The following NFE2L1 variants were observed in gnomAD, a reference collection of about 807,000 sequenced individuals.
The protein encoded by NFE2L1 is endoplasmic reticulum membrane sensor NFE2L1.
NFE2L1 carries 18 observed loss-of-function variants against 61.6 expected under a neutral mutation model. The ratio of observed to expected loss-of-function variants is 0.29; its 90% CI spans 0.20 to 0.43. The LOEUF is 0.43. Ranked by LOEUF, NFE2L1 falls within the 20% of genes least tolerant of loss-of-function variation. The pLI, the probability that NFE2L1 is intolerant of heterozygous loss-of-function variation, is 1.00. For missense variants in NFE2L1, 827 were observed against 973.5 expected, an observed-to-expected ratio of 0.85 and a Z score of 2.00; for synonymous variants, 419 against 402.7, an observed-to-expected ratio of 1.04 and a Z score of -0.48.
intron 5 of NFE2L1, 78 bp downstream of exon 5, chr17:48,057,580 C>T: frequency 6.6e-7 from 1 of 1,509,862 alleles, no homozygotes; most frequent in Non-Finnish European, 8.9e-7. Flanking sequence ...TTTCCATCTC[C>T]AAGGAGAGAA....
At chr17:48,054,690 G>C in intron 2 of NFE2L1, 1 of 1,292,500 alleles carries the variant, frequency 7.7e-7, no homozygotes, top group Non-Finnish European at 9.8e-7. Context: ...AGGCCCAGGA[G>C]GGAGCTTGCT....
chr17:48,050,584 T>G (rs1169869549), intron 1 of NFE2L1, 23 bp from the exon 2 acceptor site: 1 of 409,566 alleles, frequency 2.4e-6, no homozygotes, highest in African/African-American at 2.1e-5. Context: ...CTTATCCTGT[T>G]GCTTTTGTGA....
At chr17:48,056,985 G>T (rs1029698697) in intron 3 of NFE2L1, 47 bp from the exon 4 acceptor site, 4 of 1,593,048 alleles carry the variant, frequency 2.5e-6, no homozygotes, top group Non-Finnish European at 3.4e-6. Flanking sequence ...TCAGCCCCAG[G>T]CAGCCAAGGC....
Position 48,059,768 on chromosome 17 carries a change from G to C in NFE2L1, c.*127G>C. The C allele has an allele frequency of 7.4e-7, 1 of 1,354,242 alleles. No individual in the cohort carries two copies. Among genetic ancestry groups the C allele is most frequent in the African/African-American group, 1.5e-5 (1 of 68,248 alleles). 83.9% of individuals were successfully genotyped at this position (1,354,242 alleles called of 1,614,324 possible). A position where few individuals can be genotyped will look rare whatever the true frequency, so the allele number is the denominator to read the frequency against. ...TTATCCAATATATCTTCTCAGATGG[G>C]ATGACTGCGGGTCAGTGTACAGGAA... On this transcript the variant is annotated 3_prime_UTR_variant, in exon 6 of 6. Coordinates refer to ENST00000362042, the MANE Select transcript of NFE2L1 (RefSeq NM_003204.3). This position sits in a 1 kb window ranked among gnomAD's most constrained non-coding sequence, Gnocchi z 6.1.
chr17:48,057,260 GA>G (rs1374250565), intron 4 of NFE2L1, 83 bp from the exon 5 acceptor site: 1 of 1,592,128 alleles, frequency 6.3e-7, no homozygotes, highest in East Asian at 2.2e-5. Context: ...AGGAAGAACA[GA>G]AACAGGTCCA....
chr17:48,059,383 G>T lies in NFE2L1; in HGVS notation c.2061G>T (p.Glu687Asp). Residue 687 changes from glutamate (E) to aspartate (D), a missense_variant, in exon 6 of 6, where the codon GAG becomes GAT. Glu to Asp is a conservative substitution (Grantham distance 45, BLOSUM62 2). Around this residue, in one of 3 missense-constraint regions of NFE2L1, gnomAD observed 74 missense variants for 127.8 expected, o/e 0.58. Coordinates refer to ENST00000362042, the MANE Select transcript of NFE2L1 (RefSeq NM_003204.3). The surrounding 1 kb of genome is among the most constrained non-coding windows in gnomAD (Gnocchi z 6.1). ...TCCTGAATCTGGAGCGTGATGTGGA[G>T]GACCTGCAGCGTGACAAAGCCCGGC... ...DTILNLERDV[E>D]DLQRDKARLL... is the part of the protein sequence containing the mutation. The T allele has an allele frequency of 6.2e-7, 1 of 1,614,240 alleles. No homozygotes were observed. The highest frequency in any genetic ancestry group is 1.1e-5 in the South Asian group (1 of 91,090).
rs1050390328 is a variant in NFE2L1, at chr17:48,060,550, G to T, written c.*909G>T. The stretch of plus-strand genomic sequence containing the variant: ...GTGTTTGTGTTCCCCACCCCTCACA[G>T]ACTGCCTGAGCTCTTCTGTAAGCTG... On this transcript the variant is annotated 3_prime_UTR_variant, in exon 6 of 6. Coordinates refer to ENST00000362042, the MANE Select transcript of NFE2L1 (RefSeq NM_003204.3). The T allele has an allele frequency of 6.5e-6, 1 of 152,880 alleles. No homozygotes were observed. Among genetic ancestry groups the T allele is most frequent in the Non-Finnish European group, 1.5e-5 (1 of 68,148 alleles). The allele number at this position is 152,880 out of a possible 1,614,324, so 9.5% of individuals were successfully genotyped here.
Position 48,057,087 on chromosome 17 carries a change from T to C in NFE2L1, c.779T>C (p.Leu260Pro). 6.2e-7 allele frequency: 1 copy of C among 1,613,318 alleles called. No individual in the cohort carries two copies. Among genetic ancestry groups the C allele is most frequent in the Non-Finnish European group, 8.5e-7 (1 of 1,179,806 alleles). ...ALSLEECLRL[L>P]EATCPFGENA... ...TCCCTGGAAGAGTGCCTTAGGCTGCTGGAAGCCACCTGCCCCTTTGGGGAG... is the reference window on the plus strand; with the variant it reads ...TCCCTGGAAGAGTGCCTTAGGCTGCCGGAAGCCACCTGCCCCTTTGGGGAG... The change falls in exon 4 of 6, where the codon CTG becomes CCG. Residue 260 changes from leucine (L) to proline (P), a missense_variant. Physicochemically the swap from Leu to Pro is moderately conservative, Grantham distance 98. Transcript: ENST00000362042.
chr17:48,057,181 C>T, intron 4 of NFE2L1, 60 bp downstream of exon 4: 8 of 1,595,712 alleles, frequency 5.0e-6, no homozygotes, highest in Non-Finnish European at 6.8e-6. Context: ...CCTGGTGTGT[C>T]CCTCCATGGC....
In NFE2L1 at chr17:48,056,606, C is replaced by T. The variant is rs745469974; in HGVS notation, c.723+8C>T. 2.3e-5 allele frequency: 37 copies of T among 1,611,862 alleles called. No individual in the cohort carries two copies. Among genetic ancestry groups the T allele is most frequent in the Middle Eastern group, 2.0e-4 (1 of 4,882 alleles). On this transcript the variant is annotated splice_region_variant and intron_variant, in intron 3 of 5. Coordinates refer to ENST00000362042, the MANE Select transcript of NFE2L1 (RefSeq NM_003204.3). ...GAGAGCTTCCCTGCACAGGTACCAT[C>T]GCCCCTGCTCACTGGGCTCTCTTCT...
chr17:48,056,556 C>A lies in NFE2L1; in HGVS notation c.681C>A (p.Asn227Lys). The A allele has an allele frequency of 1.2e-6, 2 of 1,613,856 alleles. No individual in the cohort carries two copies. Among genetic ancestry groups the A allele is most frequent in the Non-Finnish European group, 1.7e-6 (2 of 1,179,964 alleles). Residue 227 changes from asparagine (N) to lysine (K), a missense_variant, in exon 3 of 6, where the codon AAC (asparagine) becomes AAA (lysine). Around this residue, in one of 3 missense-constraint regions of NFE2L1, gnomAD observed 667 missense variants for 748.4 expected, o/e 0.89. Transcript: ENST00000362042. ...AGGGCGCGGAAGCTCTGGCACGGAA[C>A]CTGCTAGTGGATGGAGAGACTGGGG... Reference protein sequence around the residue: ...AGEGAEALARNLLVDGETGES... With the variant: ...AGEGAEALARKLLVDGETGES...
chr17:48,051,305 G>C lies in NFE2L1; in HGVS notation c.187G>C (p.Asp63His), dbSNP rs2229367. The C allele has an allele frequency of 1.9e-4, 313 of 1,614,046 alleles. No homozygotes were observed. The highest frequency in any genetic ancestry group is 2.2e-5 in the Non-Finnish European group (26 of 1,180,020). ...TQFHNLRNTLDGYGIHPKSID... is the reference protein window; with the variant it reads ...TQFHNLRNTLHGYGIHPKSID... ...GTTCCACAACCTGAGGAATACCTTG[G>C]ATGGCTATGGTATCCACCCCAAGAG... The change falls in exon 2 of 6, where the codon GAT becomes CAT. Residue 63 changes from aspartate (D) to histidine (H), a missense_variant. Asp to His is a moderately conservative substitution (Grantham distance 81). Coordinates refer to ENST00000362042, the MANE Select transcript of NFE2L1 (RefSeq NM_003204.3).
At chr17:48,053,596 G>A (rs554100503) in intron 2 of NFE2L1, among the ~76,000 whole-genome samples, 105 of 152,336 alleles carry the variant, frequency 6.9e-4, no homozygotes, top group African/African-American at 2.5e-3. Context: ...CAGAGCAGGG[G>A]GGTGGCCTGT....
At position 48,059,855 on chromosome 17, in the gene NFE2L1, A is replaced by G; in HGVS notation, c.*214A>G. On this transcript the variant is annotated 3_prime_UTR_variant, in exon 6 of 6. Transcript: ENST00000362042. The surrounding 1 kb of genome is among the most constrained non-coding windows in gnomAD (Gnocchi z 6.1). ...GAGTGGAAGTGGCCAGACCATTTAG[A>G]CGGACAGGGTCCTCACCCTACCCCT... 1 of 630,930 alleles carries G rather than the reference A, an allele frequency of 1.6e-6. No homozygotes were observed. Among genetic ancestry groups the G allele is most frequent in the Non-Finnish European group, 2.6e-6 (1 of 388,554 alleles). 39.1% of individuals were successfully genotyped at this position (630,930 alleles called of 1,614,324 possible).
intron 2 of NFE2L1, 45 bp downstream of exon 2, chr17:48,051,673 T>G (rs1598280731): frequency 6.4e-7 from 1 of 1,563,590 alleles, no homozygotes; most frequent in Non-Finnish European, 8.6e-7. Context: ...GGCTTGGGGG[T>G]GGGCTGGTCC....
chr17:48,050,637 G>A lies in NFE2L1; in HGVS notation c.-482G>A. 1 of 417,850 alleles carries A rather than the reference G, an allele frequency of 2.4e-6. No homozygotes were observed. The allele number at this position is 417,850 out of a possible 1,614,324, so 25.9% of individuals were successfully genotyped here. On this transcript the variant is annotated 5_prime_UTR_variant, in exon 2 of 6. Coordinates refer to ENST00000362042, the MANE Select transcript of NFE2L1 (RefSeq NM_003204.3). ...TCTGGAAACCCCCCTGGTAAGTGTG[G>A]AGGAGGCGGGACACTCTGACCCAAG...
chr17:48,053,395 G>A lies in NFE2L1; in HGVS notation c.510+1767G>A, dbSNP rs182762089. ...GTATGGGGGAAGGGAGGATTATTAT[G>A]TGTCTAGAACAACATTTCCTCAGCA... On this transcript the variant is annotated intron_variant, in intron 2 of 5. Coordinates refer to ENST00000362042, the MANE Select transcript of NFE2L1 (RefSeq NM_003204.3). Among the ~76,000 whole-genome samples, 17 of 152,268 alleles carry A rather than the reference G, an allele frequency of 1.1e-4. No individual in the cohort carries two copies. In the East Asian group the frequency reaches 1.7e-3, roughly 16 times the overall value.
rs1444993626 is a variant in NFE2L1, at chr17:48,061,214, C to A, written c.*1573C>A. ...TGTCTTTATTTTTAACTGTTTGCCA[C>A]TGCTGCCCTCACCCCTGCCCGGCTC... is the stretch of plus-strand genomic sequence containing the variant. On this transcript the variant is annotated 3_prime_UTR_variant, in exon 6 of 6. Transcript: ENST00000362042. 6.6e-6 allele frequency: 1 copy of A among 152,184 alleles called. No homozygotes were observed. Among genetic ancestry groups the A allele is most frequent in the African/African-American group, 2.4e-5 (1 of 41,436 alleles). The allele number at this position is 152,184 out of a possible 1,614,324, so 9.4% of individuals were successfully genotyped here.
rs117756696 is a variant in NFE2L1 at position 48,058,312 on chromosome 17, A to G, written c.990A>G (p.Thr330=). 6,974 of 1,595,334 alleles carry G rather than the reference A, an allele frequency of 4.4e-3. 19 individuals are homozygous for G. Among genetic ancestry groups the G allele is most frequent in the Non-Finnish European group, 5.6e-3 (6,488 of 1,168,300 alleles). The change falls in exon 6 of 6, where the codon ACA becomes ACG. Residue 330 remains threonine (T), a synonymous_variant. Transcript: ENST00000362042. The part of the protein sequence containing the change: ...IMEMQAMEVN[T]SASEILYSAP... The stretch of plus-strand genomic sequence containing the variant: ...CCTCCCAGGCCATGGAAGTGAACAC[A>G]TCAGCAAGTGAAATCCTGTACAGTG...
Sources: gnomAD v4.1 joint callset for allele counts (sites outside exome capture counted in the v4.1 genomes callset) on GRCh38, gnomAD v4.1.1 for gene constraint, gnomAD v4.1.1 regional missense constraint, Gnocchi (gnomAD v3.1) non-coding constraint, MANE v1.5 for transcripts, NCBI Gene and HGNC (gene_info 2026-07-23, HGNC 2026-07-21) for gene names.